The following ME1 variants were observed in gnomAD, a reference collection of about 807,000 sequenced individuals.
The protein encoded by ME1 is malic enzyme 1.
ME1 carries 74 observed loss-of-function variants against 66.4 expected under a neutral mutation model. That is an observed-to-expected ratio of 1.11 (90% CI 0.92 to 1.35). The LOEUF (loss-of-function observed/expected upper bound fraction) is 1.35, where lower values mean the gene tolerates loss of function less well. ME1 is among the 40% of genes most tolerant of loss of function. The probability of loss-of-function intolerance (pLI) is 0.00; values close to 1 mark genes in which losing one functional copy is unlikely to be tolerated. For missense variants in ME1, 750 were observed against 694.1 expected, an observed-to-expected ratio of 1.08 and a Z score of -0.90; for synonymous variants, 251 against 235.6, an observed-to-expected ratio of 1.07 and a Z score of -0.60.
intron 1 of ME1, among the ~76,000 whole-genome samples, chr6:83,421,243 T>C (rs915845869): frequency 6.6e-6 from 1 of 152,216 alleles, no homozygotes; most frequent in Non-Finnish European, 1.5e-5. Context: ...ATTATTAATA[T>C]TGATTGGTAT....
intron 6 of ME1, among the ~76,000 whole-genome samples, chr6:83,294,083 T>C (rs1459238902): frequency 1.3e-5 from 2 of 152,194 alleles, no homozygotes; most frequent in Non-Finnish European, 2.9e-5. Context: ...CATATTAAAT[T>C]ATATATTAAA....
intron 6 of ME1, among the ~76,000 whole-genome samples, chr6:83,257,895 T>C (rs970107052): frequency 2.0e-5 from 3 of 152,182 alleles, no homozygotes; most frequent in Non-Finnish European, 4.4e-5. Flanking sequence ...ATGTATCATA[T>C]ACTGGTGGTC....
Position 83,319,070 on chromosome 6 carries a change from G to A in ME1, c.601-3657C>T, listed in dbSNP as rs1464009240. Among the ~76,000 whole-genome samples the A allele has an allele frequency of 1.9e-4, 29 of 150,186 alleles. No individual in the cohort carries two copies. The South Asian group carries it at 2.1e-3, about 11-fold the overall frequency. On this transcript the variant is annotated intron_variant, in intron 5 of 13. Transcript: ENST00000369705. ...TTGCAAGAACAAAAAACCAAACACC[G>A]CATGTTCTCACTCATAGGTGGGAAC...
intron 3 of ME1, among the ~76,000 whole-genome samples, chr6:83,376,035 A>G (rs941016688): frequency 1.3e-5 from 2 of 152,168 alleles, no homozygotes; most frequent in African/African-American, 4.8e-5. Flanking sequence ...TCTGCTATAT[A>G]TTATACTGCT....
chr6:83,430,854 G>A (rs756615191), intron 1 of ME1, 23 bp downstream of exon 1: 1 of 1,581,998 alleles, frequency 6.3e-7, no homozygotes, highest in Non-Finnish European at 8.6e-7. Flanking sequence ...CCGATGGGCG[G>A]CCAGGTGGGC....
intron 5 of ME1, among the ~76,000 whole-genome samples, chr6:83,333,838 C>A (rs896721044): frequency 1.4e-4 from 21 of 152,144 alleles, no homozygotes; most frequent in African/African-American, 5.1e-4. Context: ...ACACCTTGAT[C>A]AGTTTTTAGA....
intron 6 of ME1, among the ~76,000 whole-genome samples, chr6:83,256,306 T>G (rs1023298901): frequency 1.3e-5 from 2 of 152,164 alleles, no homozygotes; most frequent in African/African-American, 4.8e-5. Flanking sequence ...TTTTAAAAAA[T>G]TATTTAATAG....
chr6:83,310,949 G>A (rs1767919002), intron 6 of ME1, among the ~76,000 whole-genome samples: 1 of 152,092 alleles, frequency 6.6e-6, no homozygotes, highest in South Asian at 2.1e-4. Flanking sequence ...AGTTACAAAA[G>A]AATGGGAATT....
chr6:83,385,789 T>TA (rs1769493099), intron 3 of ME1, among the ~76,000 whole-genome samples: 1 of 151,870 alleles, frequency 6.6e-6, no homozygotes, highest in African/African-American at 2.4e-5. Flanking sequence ...GTACTTAAGA[T>TA]ATAGAATACT....
intron 6 of ME1, among the ~76,000 whole-genome samples, chr6:83,279,055 C>G (rs1767242560): frequency 6.6e-6 from 1 of 152,088 alleles, no homozygotes; most frequent in African/African-American, 2.4e-5. Flanking sequence ...CAGCAGATTA[C>G]AGCTAAAACA....
intron 3 of ME1, among the ~76,000 whole-genome samples, chr6:83,357,358 C>T (rs963600188): frequency 6.6e-6 from 1 of 152,158 alleles, no homozygotes; most frequent in African/African-American, 2.4e-5. Flanking sequence ...CTTCATCCAA[C>T]TTTCAATTTA....
intron 12 of ME1, 109 bp downstream of exon 12, chr6:83,223,651 T>G: frequency 1.9e-6 from 2 of 1,067,466 alleles, no homozygotes; most frequent in Non-Finnish European, 2.7e-6. Flanking sequence ...CAGACTTTAC[T>G]TCTTTCAGAG....
In ME1 at chr6:83,211,935, C is replaced by T; in HGVS notation, c.1708G>A (p.Val570Ile). ...TGTTTGCTATTATCCTACTGGTCAA[C>T]TTTGGTCTGTATTTTCTGCACCTCT... ...PEEVQKIQTK[V>I]DQ Residue 570 changes from valine to isoleucine, a missense_variant, in exon 14 of 14, where the codon GTT (valine) becomes ATT (isoleucine). By Grantham distance (29) the Val-to-Ile change is conservative. Transcript: ENST00000369705. 1 of 1,594,302 alleles carries T rather than the reference C, an allele frequency of 6.3e-7. No homozygotes were observed. The highest frequency in any genetic ancestry group is 1.2e-5 in the South Asian group (1 of 86,952).
intron 6 of ME1, among the ~76,000 whole-genome samples, chr6:83,283,100 C>T (rs1243467666): frequency 4.4e-4 from 65 of 149,184 alleles, no homozygotes; most frequent in Non-Finnish European, 8.0e-4. Flanking sequence ...TGGTAGCGGG[C>T]GCCTGTAGTC....
intron 4 of ME1, among the ~76,000 whole-genome samples, chr6:83,347,815 T>G (rs1202858979): frequency 1.3e-5 from 2 of 152,182 alleles, no homozygotes; most frequent in Admixed American, 1.3e-4. Context: ...AAATCTAAAG[T>G]ATATTCCATC....
intron 6 of ME1, among the ~76,000 whole-genome samples, chr6:83,273,176 C>CAAA (rs67482208): frequency 0.045 from 3,115 of 69,948 alleles, 241 homozygotes; most frequent in African/African-American, 0.12. Flanking sequence ...GACTCTGCCT[C>CAAA]AAAAAAAAAA....
At chr6:83,393,663 T>A (rs186856948) in intron 3 of ME1, among the ~76,000 whole-genome samples, 1 of 152,224 alleles carries the variant, frequency 6.6e-6, no homozygotes, top group South Asian at 2.1e-4. Flanking sequence ...ACTCAAATAC[T>A]TCGTTTGATT....
intron 7 of ME1, among the ~76,000 whole-genome samples, chr6:83,247,607 G>T (rs1790648375): frequency 6.6e-6 from 1 of 152,050 alleles, no homozygotes; most frequent in African/African-American, 2.4e-5. Context: ...GTAATGGTTA[G>T]ATAATTATTT....
At chr6:83,366,333 TGA>T (rs1451072038) in intron 3 of ME1, among the ~76,000 whole-genome samples, 1 of 152,176 alleles carries the variant, frequency 6.6e-6, no homozygotes, top group Non-Finnish European at 1.5e-5. Context: ...ATTCTCAATC[TGA>T]GTTTGGAATC....
Sources: allele counts gnomAD v4.1 joint callset (sites outside exome capture counted in the v4.1 genomes callset), GRCh38; gene constraint gnomAD v4.1.1; transcripts MANE v1.5; gene names NCBI Gene and HGNC (gene_info 2026-07-23, HGNC 2026-07-21).